The following DAB1 variants were observed in gnomAD, a reference collection of about 807,000 sequenced individuals.
The protein encoded by DAB1 is disabled homolog 1.
In DAB1, 15 loss-of-function variants were observed where a neutral mutation model predicts 64.6. The observed-to-expected ratio is 0.23, with a 90% CI of 0.16 to 0.36. The LOEUF (loss-of-function observed/expected upper bound fraction) is 0.36, where lower values mean the gene tolerates loss of function less well. DAB1 is among the 10% of genes least tolerant of loss of function. The pLI is 1.00. For missense variants in DAB1, 596 were observed against 706.7 expected (o/e 0.84, Z 1.78); for synonymous variants, 235 against 251.9 (o/e 0.93, Z 0.64).
chr1:58,539,449 C>T (rs1308107117), intron 1 of DAB1: 1 of 590,120 alleles, frequency 1.7e-6, no homozygotes, highest in South Asian at 2.2e-5. Flanking sequence ...CAACTCATCA[C>T]CCCTAGAGCA....
At chr1:58,257,200 A>G (rs1486389070) in intron 4 of DAB1, among the ~76,000 whole-genome samples, 1 of 152,216 alleles carries the variant, frequency 6.6e-6, no homozygotes, top group Non-Finnish European at 1.5e-5. Flanking sequence ...TGACAATTCA[A>G]AATCTCCAAC....
chr1:58,498,752 G>A (rs763731243), intron 3 of DAB1, among the ~76,000 whole-genome samples: 2 of 152,080 alleles, frequency 1.3e-5, no homozygotes, highest in Non-Finnish European at 2.9e-5. Flanking sequence ...TAAAATCTCA[G>A]AGATGTGTTC....
At chr1:58,266,935 G>C (rs1265619433) in intron 4 of DAB1, among the ~76,000 whole-genome samples, 2 of 152,098 alleles carry the variant, frequency 1.3e-5, no homozygotes, top group African/African-American at 4.8e-5. Flanking sequence ...AATAATTCAA[G>C]TAGGCTGGGC....
Position 58,067,891 on chromosome 1 carries a change from A to G in DAB1, n.387+82620T>C, listed in dbSNP as rs562795311. ...CACATAAGCTGCTGTATTAAAACAA[A>G]CAAATAAAGCATTTAGGACAGTGCC... On this transcript the variant is annotated intron_variant and non_coding_transcript_variant, in intron 5 of 20. Coordinates refer to the DAB1 transcript ENST00000485760. 2.0e-5 allele frequency among the ~76,000 whole-genome samples: 3 copies of G among 152,384 alleles called. No individual in the cohort carries two copies. The East Asian group carries it at 5.8e-4, about 29-fold the overall frequency.
intron 7 of DAB1, among the ~76,000 whole-genome samples, chr1:57,575,974 T>C (rs1017254795): frequency 3.3e-5 from 5 of 152,180 alleles, no homozygotes. Flanking sequence ...TACTTCAGAA[T>C]GCAAGCTTAT....
At chr1:57,937,905 C>T (rs969163817) in intron 5 of DAB1, among the ~76,000 whole-genome samples, 7 of 152,168 alleles carry the variant, frequency 4.6e-5, no homozygotes, top group Admixed American at 3.3e-4. Flanking sequence ...CCCTAGCTGC[C>T]GGCATGCCTC....
chr1:57,678,794 T>C (rs1362293819), intron 6 of DAB1, among the ~76,000 whole-genome samples: 1 of 131,878 alleles, frequency 7.6e-6, no homozygotes, highest in Non-Finnish European at 1.6e-5. Context: ...TTTTTTGGAG[T>C]CTTGCTCTGT....
chr1:57,413,759 A>G (rs1278157213), intron 1 of DAB1, among the ~76,000 whole-genome samples: 2 of 151,212 alleles, frequency 1.3e-5, no homozygotes, highest in Admixed American at 1.3e-4. Context: ...AAAAAAAAAA[A>G]AAAAAAAAAT....
chr1:57,666,949 T>C (rs544803019), intron 6 of DAB1, among the ~76,000 whole-genome samples: 1 of 152,134 alleles, frequency 6.6e-6, no homozygotes, highest in South Asian at 2.1e-4. Context: ...TTTTCCATCA[T>C]GGCTAGAAAA....
At chr1:57,396,189 G>A (rs1022108390) in intron 1 of DAB1, among the ~76,000 whole-genome samples, 2 of 152,152 alleles carry the variant, frequency 1.3e-5, no homozygotes, top group African/African-American at 2.4e-5. Context: ...TATTCTGGTC[G>A]CTAGCACCGA....
At chr1:57,307,813 C>G (rs566073184) in intron 1 of DAB1, among the ~76,000 whole-genome samples, 1 of 152,144 alleles carries the variant, frequency 6.6e-6, no homozygotes, top group East Asian at 1.9e-4. Flanking sequence ...ATAGACCATA[C>G]TCTCTTCCCT....
intron 5 of DAB1, among the ~76,000 whole-genome samples, chr1:58,062,337 T>C (rs10443219): frequency 0.21 from 31,436 of 152,084 alleles, 3,675 homozygotes; most frequent in East Asian, 0.31. Flanking sequence ...ACAAGAATTA[T>C]AGTGCAAGTC....
chr1:58,029,218 C>T (rs1376893259), intron 5 of DAB1, among the ~76,000 whole-genome samples: 4 of 152,190 alleles, frequency 2.6e-5, no homozygotes, highest in South Asian at 2.1e-4. Context: ...CAGCAAGCAA[C>T]GACAAGCTAG....
At chr1:57,061,015 G>C (rs1029888159) in intron 9 of DAB1, among the ~76,000 whole-genome samples, 8 of 152,068 alleles carry the variant, frequency 5.3e-5, no homozygotes, top group African/African-American at 1.7e-4. Context: ...TGTCATGGGG[G>C]CTGGACCAGT....
At chr1:57,859,005 A>G (rs1048915056) in intron 1 of DAB1, among the ~76,000 whole-genome samples, 1 of 151,814 alleles carries the variant, frequency 6.6e-6, no homozygotes, top group Non-Finnish European at 1.5e-5. Context: ...CTAAGAACCT[A>G]TTTTTCCATC....
chr1:58,245,362 C>T (rs985316315), intron 4 of DAB1, among the ~76,000 whole-genome samples: 1 of 152,164 alleles, frequency 6.6e-6, no homozygotes, highest in East Asian at 1.9e-4. Context: ...TTCTTCCTGG[C>T]TCTAGGAACT....
chr1:57,433,940 A>G (rs761635630), intron 7 of DAB1, among the ~76,000 whole-genome samples: 12 of 152,038 alleles, frequency 7.9e-5, no homozygotes, highest in Non-Finnish European at 1.0e-4. Flanking sequence ...GAAAACTGTA[A>G]TAAGACACCA....
intron 3 of DAB1, among the ~76,000 whole-genome samples, chr1:58,490,605 C>T (rs1645664041): frequency 6.6e-6 from 1 of 151,910 alleles, no homozygotes; most frequent in Non-Finnish European, 1.5e-5. Flanking sequence ...CACAAAGATA[C>T]TCCTCGAGAA....
intron 1 of DAB1, among the ~76,000 whole-genome samples, chr1:57,320,682 T>C (rs141080239): frequency 6.6e-6 from 1 of 152,162 alleles, no homozygotes; most frequent in Admixed American, 6.5e-5. Flanking sequence ...AGTTTCTTTG[T>C]TATAAAATAT....
Sources: gnomAD v4.1 joint callset for allele counts (sites outside exome capture counted in the v4.1 genomes callset) on GRCh38, gnomAD v4.1.1 for gene constraint, MANE v1.5 for transcripts, NCBI Gene and HGNC (gene_info 2026-07-23, HGNC 2026-07-21) for gene names.